UBE4B: variants seen among roughly 807,000 people sequenced by gnomAD.
The protein encoded by UBE4B is ubiquitin conjugation factor E4 B.
A neutral mutation model predicts 148.1 loss-of-function variants in UBE4B; 27 were observed. The observed-to-expected ratio is 0.18, with a 90% CI of 0.13 to 0.25. UBE4B has a LOEUF of 0.25. Ranked by LOEUF, UBE4B falls within the 10% of genes least tolerant of loss-of-function variation. UBE4B has a pLI of 1.00. For missense variants in UBE4B, 1,170 were observed against 1,662.4 expected, an observed-to-expected ratio of 0.70 and a Z score of 5.15; for synonymous variants, 596 against 619.3, an observed-to-expected ratio of 0.96 and a Z score of 0.56.
At chr1:10,082,335 C>G (rs1250500411) in intron 2 of UBE4B, among the ~76,000 whole-genome samples, 1 of 151,424 alleles carries the variant, frequency 6.6e-6, no homozygotes, top group East Asian at 1.9e-4. Context: ...GTTACCTCTA[C>G]AAAAAAAATA....
intron 18 of UBE4B, among the ~76,000 whole-genome samples, chr1:10,146,501 G>A (rs2101977341): frequency 6.6e-6 from 1 of 152,290 alleles, no homozygotes; most frequent in East Asian, 1.9e-4. Context: ...ATACATCAGT[G>A]TGTGCATGCA....
At chr1:10,094,934 G>T (rs1644907161) in intron 2 of UBE4B, among the ~76,000 whole-genome samples, 1 of 151,912 alleles carries the variant, frequency 6.6e-6, no homozygotes, top group Admixed American at 6.6e-5. Flanking sequence ...GGGATTACAG[G>T]TGCCCAGCTA....
intron 3 of UBE4B, among the ~76,000 whole-genome samples, chr1:10,097,524 A>C (rs538451198): frequency 2.0e-5 from 3 of 152,144 alleles, no homozygotes; most frequent in East Asian, 3.9e-4. Flanking sequence ...TATTTTAAAA[A>C]ATCAGGCCAG....
At chr1:10,081,047 C>G (rs1292479022) in intron 2 of UBE4B, among the ~76,000 whole-genome samples, 1 of 152,084 alleles carries the variant, frequency 6.6e-6, no homozygotes, top group Non-Finnish European at 1.5e-5. Context: ...TAAAATTCTA[C>G]TTTTTAAAAA....
chr1:10,092,847 A>G (rs1425566671), intron 2 of UBE4B, among the ~76,000 whole-genome samples: 1 of 151,952 alleles, frequency 6.6e-6, no homozygotes, highest in East Asian at 1.9e-4. Flanking sequence ...AAAAGAAGAA[A>G]GAAAAGAAAA....
At chr1:10,174,846 G>T (rs772931755) in intron 25 of UBE4B, among the ~76,000 whole-genome samples, 2 of 152,116 alleles carry the variant, frequency 1.3e-5, no homozygotes, top group Non-Finnish European at 2.9e-5. Flanking sequence ...CTTTGGTGGG[G>T]CAGGGGGCGG....
intron 21 of UBE4B, among the ~76,000 whole-genome samples, chr1:10,157,484 A>C (rs2102001977): frequency 6.6e-6 from 1 of 152,144 alleles, no homozygotes; most frequent in Middle Eastern, 3.4e-3. Context: ...TCTCCAAAAA[A>C]ATAATAATAA....
chr1:10,174,009 G>A (rs534793696), intron 25 of UBE4B, among the ~76,000 whole-genome samples: 3 of 152,184 alleles, frequency 2.0e-5, no homozygotes, highest in African/African-American at 4.8e-5. Context: ...AGTGACACAC[G>A]GGGCTCCTTG....
chr1:10,063,737 GTC>G (rs1357259217), intron 1 of UBE4B, among the ~76,000 whole-genome samples: 1 of 151,832 alleles, frequency 6.6e-6, no homozygotes, highest in African/African-American at 2.4e-5. Flanking sequence ...GTGAAACCCC[GTC>G]TCTACTAAAA....
At chr1:10,064,789 A>G (rs571305839) in intron 1 of UBE4B, among the ~76,000 whole-genome samples, 10 of 148,414 alleles carry the variant, frequency 6.7e-5, no homozygotes, top group Non-Finnish European at 8.9e-5. Context: ...TTTTAGATAG[A>G]GTCTCACTGT....
intron 1 of UBE4B, among the ~76,000 whole-genome samples, chr1:10,070,457 A>C (rs1017255389): frequency 2.6e-4 from 40 of 151,858 alleles, no homozygotes; most frequent in African/African-American, 8.9e-4. Flanking sequence ...AAAAAAAAAA[A>C]AAACCATTAC....
At chr1:10,117,633 A>G in intron 8 of UBE4B, 33 bp downstream of exon 8, 1 of 1,548,974 alleles carries the variant, frequency 6.5e-7, no homozygotes, top group Non-Finnish European at 8.7e-7. Context: ...AAAAAAAAAA[A>G]AGCCTAGTTA....
intron 1 of UBE4B, chr1:10,059,423 A>G: frequency 4.7e-6 from 1 of 210,820 alleles, no homozygotes; most frequent in East Asian, 1.1e-4. Context: ...CAGATCCAGG[A>G]GGGGAAACAG....
At chr1:10,162,660 G>A (rs987430313) in intron 23 of UBE4B, among the ~76,000 whole-genome samples, 8 of 151,328 alleles carry the variant, frequency 5.3e-5, no homozygotes, top group African/African-American at 1.7e-4. Flanking sequence ...AGATTCAGGG[G>A]ATGGGGTACA....
chr1:10,048,931 A>G (rs1373744353), intron 1 of UBE4B, among the ~76,000 whole-genome samples: 2 of 152,158 alleles, frequency 1.3e-5, no homozygotes, highest in South Asian at 2.1e-4. Flanking sequence ...TGCTATAATC[A>G]CTACTTTCTT....
intron 25 of UBE4B, among the ~76,000 whole-genome samples, chr1:10,177,357 T>C (rs1353645564): frequency 4.6e-5 from 7 of 151,978 alleles, no homozygotes; most frequent in African/African-American, 1.7e-4. Flanking sequence ...CTGTCTCTAC[T>C]AAAAATACAA....
At chr1:10,054,143 A>G (rs1332878450) in intron 1 of UBE4B, among the ~76,000 whole-genome samples, 1 of 151,968 alleles carries the variant, frequency 6.6e-6, no homozygotes. Flanking sequence ...TTATTTTTGT[A>G]AGCTATTTTA....
chr1:10,151,714 T>G (rs971147291), intron 21 of UBE4B, among the ~76,000 whole-genome samples, 153 bp downstream of exon 21: 6 of 152,152 alleles, frequency 3.9e-5, no homozygotes, highest in African/African-American at 1.4e-4. Context: ...GATGTACTTT[T>G]GGTTCTTCTT....
At chr1:10,092,958 G>A (rs1308203184) in intron 2 of UBE4B, among the ~76,000 whole-genome samples, 1 of 152,210 alleles carries the variant, frequency 6.6e-6, no homozygotes, top group Admixed American at 6.5e-5. Flanking sequence ...TGAAGATCAT[G>A]TGGAAGATGC....
Sources: allele counts gnomAD v4.1 joint callset (sites outside exome capture counted in the v4.1 genomes callset), GRCh38; gene constraint gnomAD v4.1.1; transcripts MANE v1.5; gene names NCBI Gene and HGNC (gene_info 2026-07-23, HGNC 2026-07-21).